Variants in FOCAD observed in about 807,000 individuals in gnomAD.
FOCAD encodes the protein focadhesin, also known as KIAA1797.
Under a neutral mutation model 225.6 loss-of-function variants are expected in FOCAD, and 198 were observed. That is an observed-to-expected ratio of 0.88 (90% CI 0.78 to 0.99). The LOEUF (loss-of-function observed/expected upper bound fraction) is 0.99. Among genes scored for constraint, FOCAD ranks in the 50% least tolerant of loss-of-function variants. The probability of loss-of-function intolerance (pLI) is 0.00; values close to 1 mark genes in which losing one functional copy is unlikely to be tolerated. For missense variants in FOCAD, 2,713 were observed against 2,123.6 expected (o/e 1.28, Z -5.46); for synonymous variants, 897 against 755.0 (o/e 1.19, Z -3.08).
chr9:20,831,057 A>T (rs1825440324), intron 15 of FOCAD, among the ~76,000 whole-genome samples: 1 of 152,022 alleles, frequency 6.6e-6, no homozygotes, highest in Admixed American at 6.6e-5. Flanking sequence ...TTTTAAAGCA[A>T]TTATTCTGTG....
intron 4 of FOCAD, among the ~76,000 whole-genome samples, chr9:20,723,341 A>G (rs1010325760): frequency 6.6e-6 from 1 of 152,178 alleles, no homozygotes; most frequent in Non-Finnish European, 1.5e-5. Flanking sequence ...TACAAAAATT[A>G]GCCGGGCGTG....
In FOCAD at chr9:20,740,273, C is replaced by T; in HGVS notation, c.325C>T (p.Leu109=). 1 of 1,611,772 alleles carries T rather than the reference C, an allele frequency of 6.2e-7. No homozygotes were observed. Among genetic ancestry groups the T allele is most frequent in the Non-Finnish European group, 8.5e-7 (1 of 1,178,496 alleles). The part of the protein sequence containing the change: ...HGLIKAIMHL[L]QMQALKEGQG... ...CTTGATAAAAGCCATTATGCACTTA[C>T]TACAAATGCAAGCTCTTAAGGAAGG... The change falls in exon 5 of 44, where the codon CTA becomes TTA. Residue 109 remains leucine, a synonymous_variant. Transcript: ENST00000338382.
chr9:20,774,854 A>G (rs1261772560), intron 8 of FOCAD, among the ~76,000 whole-genome samples: 1 of 152,228 alleles, frequency 6.6e-6, no homozygotes, highest in African/African-American at 2.4e-5. Context: ...GGAAATAACA[A>G]TTAGTAGAAC....
At chr9:20,777,420 T>A (rs1395916223) in intron 8 of FOCAD, among the ~76,000 whole-genome samples, 1 of 150,672 alleles carries the variant, frequency 6.6e-6, no homozygotes, top group Non-Finnish European at 1.5e-5. Flanking sequence ...TTTAGTGCCA[T>A]AATACATTAA....
At chr9:20,894,229 A>G (rs894429726) in intron 21 of FOCAD, among the ~76,000 whole-genome samples, 4 of 152,176 alleles carry the variant, frequency 2.6e-5, no homozygotes, top group African/African-American at 9.6e-5. Context: ...TTAGTGTTGA[A>G]TAAAAATCCA....
chr9:20,970,554 T>C (rs1310169566), intron 35 of FOCAD, among the ~76,000 whole-genome samples: 1 of 152,056 alleles, frequency 6.6e-6, no homozygotes, highest in East Asian at 1.9e-4. Context: ...AGAACTCTTT[T>C]TGATATTCTC....
intron 4 of FOCAD, among the ~76,000 whole-genome samples, chr9:20,737,314 CTGTT>C (rs1827227280): frequency 6.6e-6 from 1 of 152,166 alleles, no homozygotes; most frequent in African/African-American, 2.4e-5. Context: ...AACCATAGAT[CTGTT>C]ATCTGTTATC....
At chr9:20,978,541 G>T in intron 37 of FOCAD, 87 bp downstream of exon 37, 1 of 869,182 alleles carries the variant, frequency 1.2e-6, no homozygotes, top group South Asian at 2.2e-5. Flanking sequence ...TGTTCTCAAA[G>T]TCAAGAGGAG....
Position 20,781,707 on chromosome 9 carries a change from A to G in FOCAD, c.995-20A>G, listed in dbSNP as rs1226249137. On this transcript the variant is annotated intron_variant, in intron 9 of 43. Transcript: ENST00000338382. ...GTGGTATTAATTTTTAAAAATGTGC[A>G]TTATTGTTTTGATGAATAGCTTTGA... The G allele has an allele frequency of 1.9e-6, 3 of 1,609,346 alleles. No homozygotes were observed. The highest frequency in any genetic ancestry group is 2.2e-5 in the East Asian group (1 of 44,818).
chr9:20,865,914 T>A lies in FOCAD; in HGVS notation c.2056-12T>A. On this transcript the variant is annotated splice_polypyrimidine_tract_variant and intron_variant, in intron 16 of 43. Transcript: ENST00000338382. ...TCTTAACAATTTATTCTTTTGTATG[T>A]TAACTTTTCAGAATTTTAAAGTTCA... 6.3e-7 allele frequency: 1 copy of A among 1,599,844 alleles called. No homozygotes were observed. Among genetic ancestry groups the A allele is most frequent in the Non-Finnish European group, 8.5e-7 (1 of 1,171,912 alleles).
intron 1 of FOCAD, among the ~76,000 whole-genome samples, chr9:20,705,774 C>G (rs1824329959): frequency 1.3e-5 from 2 of 151,036 alleles, no homozygotes; most frequent in African/African-American, 2.4e-5. Flanking sequence ...TGAAAAAATT[C>G]TAGAGATTCA....
At chr9:20,827,564 A>C (rs994663126) in intron 15 of FOCAD, among the ~76,000 whole-genome samples, 2 of 150,308 alleles carry the variant, frequency 1.3e-5, no homozygotes, top group African/African-American at 4.8e-5. Flanking sequence ...CCCCCTTAAA[A>C]AAGGAGATCC....
chr9:20,761,707 A>T (rs761331797), intron 6 of FOCAD, among the ~76,000 whole-genome samples: 3 of 152,166 alleles, frequency 2.0e-5, no homozygotes, highest in Non-Finnish European at 4.4e-5. Context: ...GGTGTGAGCC[A>T]CCGTGCCTGG....
chr9:20,913,942 T>C (rs1207997515), intron 23 of FOCAD, among the ~76,000 whole-genome samples: 2 of 152,108 alleles, frequency 1.3e-5, no homozygotes, highest in East Asian at 1.9e-4. Flanking sequence ...TATATGAGTA[T>C]AAAGGAGTTA....
intron 23 of FOCAD, among the ~76,000 whole-genome samples, chr9:20,916,327 A>G (rs1833860122): frequency 6.6e-6 from 1 of 152,174 alleles, no homozygotes; most frequent in Admixed American, 6.5e-5. Flanking sequence ...CTAACCCACA[A>G]GTATAATTAT....
intron 41 of FOCAD, among the ~76,000 whole-genome samples, chr9:20,989,373 T>G (rs971820356): frequency 3.9e-5 from 6 of 152,214 alleles, no homozygotes; most frequent in African/African-American, 1.4e-4. Context: ...TACAAAAACC[T>G]TAAAACACTG....
At chr9:20,920,906 A>G (rs908151832) in intron 24 of FOCAD, among the ~76,000 whole-genome samples, 148 of 151,728 alleles carry the variant, frequency 9.8e-4, no homozygotes, top group Non-Finnish European at 1.6e-3. Context: ...TGGCACATGT[A>G]TACATATGTA....
intron 15 of FOCAD, among the ~76,000 whole-genome samples, chr9:20,856,937 A>G (rs534476102): frequency 2.6e-4 from 40 of 152,018 alleles, no homozygotes; most frequent in African/African-American, 9.4e-4. Flanking sequence ...ATTCTGTTCT[A>G]TTGGTCTATG....
At chr9:20,698,327 A>G (rs1161923010) in intron 1 of FOCAD, among the ~76,000 whole-genome samples, 1 of 151,978 alleles carries the variant, frequency 6.6e-6, no homozygotes, top group African/African-American at 2.4e-5. Flanking sequence ...TTCTCTCTAT[A>G]TTACTCACAT....
Sources: allele counts gnomAD v4.1 joint callset (sites outside exome capture counted in the v4.1 genomes callset), GRCh38; gene constraint gnomAD v4.1.1; transcripts MANE v1.5; gene names NCBI Gene and HGNC (gene_info 2026-07-23, HGNC 2026-07-21).